Variants in PDIA6 observed in about 807,000 individuals in gnomAD.
The protein encoded by PDIA6 is protein disulfide-isomerase A6.
A neutral mutation model predicts 58.4 loss-of-function variants in PDIA6; 29 were observed. The observed-to-expected ratio is 0.50, with a 90% CI of 0.37 to 0.68. The LOEUF (loss-of-function observed/expected upper bound fraction) is 0.68, where lower values mean the gene tolerates loss of function less well. Ranked by LOEUF, PDIA6 falls within the 30% of genes least tolerant of loss-of-function variation. The pLI is 0.00. For synonymous variants in PDIA6, 192 were observed against 202.6 expected, an observed-to-expected ratio of 0.95 and a Z score of 0.44; for missense variants, 480 against 551.0, an observed-to-expected ratio of 0.87 and a Z score of 1.29.
upstream of PDIA6, among the ~76,000 whole-genome samples, chr2:10,836,067 A>G (rs1187086617): frequency 4.1e-5 from 6 of 146,562 alleles, no homozygotes; most frequent in Non-Finnish European, 9.1e-5. Context: ...AAAAAAAAAT[A>G]CTTTCAGACC....
At chr2:10,817,246 T>G (rs967475320), upstream of PDIA6, among the ~76,000 whole-genome samples, 1 of 152,228 alleles carries the variant, frequency 6.6e-6, no homozygotes, top group African/African-American at 2.4e-5. Context: ...ACATGAGTAC[T>G]TTATGTTATT....
intron 1 of PDIA6, among the ~76,000 whole-genome samples, chr2:10,826,390 G>T (rs111463837): frequency 6.6e-6 from 1 of 151,738 alleles, no homozygotes. Context: ...ATGGAGTCTC[G>T]CTCTTGTTGC....
At chr2:10,818,484 T>TTATATATATATA (rs1159545307) in intron 2 of PDIA6, among the ~76,000 whole-genome samples, 5 of 58,782 alleles carry the variant, frequency 8.5e-5, no homozygotes, top group African/African-American at 2.9e-4. Flanking sequence ...ACCATTTAAT[T>TTATATATATATA]TATTTATTTA....
chr2:10,784,829 G>A, intron 12 of PDIA6, 105 bp downstream of exon 12: 1 of 802,574 alleles, frequency 1.2e-6, no homozygotes, highest in East Asian at 2.7e-5. Flanking sequence ...GGTGCACCAG[G>A]GCTGAGGTCT....
At chr2:10,820,089 G>T (rs908195539) in intron 1 of PDIA6, among the ~76,000 whole-genome samples, 7 of 152,182 alleles carry the variant, frequency 4.6e-5, no homozygotes, top group African/African-American at 1.4e-4. Context: ...TCATTGTCTG[G>T]GGTAATACCT....
Position 10,790,791 on chromosome 2 carries a change from C to T in PDIA6, c.627G>A (p.Glu209=), listed in dbSNP as rs1666000275. 1.2e-6 allele frequency: 2 copies of T among 1,614,048 alleles called. No homozygotes were observed. The highest frequency in any genetic ancestry group is 3.3e-5 in the Admixed American group (2 of 60,002). The change falls in exon 7 of 13, where the codon GAG becomes GAA. Residue 209 remains glutamate, a synonymous_variant. Coordinates refer to ENST00000272227, the MANE Select transcript of PDIA6 (RefSeq NM_005742.4). The stretch of plus-strand genomic sequence containing the variant: ...CCAGTTTCACTTTTCCTTTCGTCTG[C>T]TCTTTTACTTCTGAAGCTGCGGCAG... ...EWAAAASEVK[E]QTKGKVKLAA... is the part of the protein sequence containing the mutation.
chr2:10,810,267 C>G, intron 1 of PDIA6: 1 of 1,529,058 alleles, frequency 6.5e-7, no homozygotes, highest in Non-Finnish European at 8.8e-7. Context: ...TTAGATAGAC[C>G]CAAATTTCTA....
upstream of PDIA6, among the ~76,000 whole-genome samples, chr2:10,834,399 C>T (rs1667777717): frequency 2.0e-5 from 3 of 152,312 alleles, no homozygotes; most frequent in Admixed American, 6.5e-5. Context: ...TCCCTCCCTC[C>T]CTGGGGCTGG....
At chr2:10,797,021 G>C (rs528838121) in intron 4 of PDIA6, 60 bp downstream of exon 4, 16 of 1,495,154 alleles carry the variant, frequency 1.1e-5, no homozygotes, top group Non-Finnish European at 1.5e-5. Flanking sequence ...TCTCAAGCTT[G>C]TTAAAGAACA....
At chr2:10,796,585 C>G (rs1666279990) in intron 4 of PDIA6, among the ~76,000 whole-genome samples, 1 of 151,926 alleles carries the variant, frequency 6.6e-6, no homozygotes, top group African/African-American at 2.4e-5. Flanking sequence ...TGAATTCTTT[C>G]TTTAGTTGCC....
At chr2:10,793,353 C>G (rs1666124721) in intron 4 of PDIA6, 151 bp from the exon 5 acceptor site, 2 of 596,838 alleles carry the variant, frequency 3.4e-6, no homozygotes, top group Non-Finnish European at 6.1e-6. Context: ...CACACTTTCT[C>G]CCCACAATGC....
chr2:10,818,850 A>G (rs55863332), intron 2 of PDIA6, among the ~76,000 whole-genome samples: 19,519 of 151,972 alleles, frequency 0.13, 1,503 homozygotes, highest in Non-Finnish European at 0.18. Context: ...GTACAGTTCC[A>G]TGGCATTAAA....
chr2:10,831,013 C>G (rs1457562079), intron 1 of PDIA6, among the ~76,000 whole-genome samples: 2 of 152,238 alleles, frequency 1.3e-5, no homozygotes, highest in Non-Finnish European at 2.9e-5. Flanking sequence ...TGTCCCTGAG[C>G]CACAGGGGCT....
intron 2 of PDIA6, among the ~76,000 whole-genome samples, chr2:10,800,540 G>A (rs188450576): frequency 6.9e-4 from 103 of 148,878 alleles, no homozygotes; most frequent in African/African-American, 1.9e-3. Context: ...TTTTTTTTGC[G>A]ATTCTATAAG....
At chr2:10,788,590 C>A in intron 10 of PDIA6, 107 bp downstream of exon 10, 4 of 769,712 alleles carry the variant, frequency 5.2e-6, no homozygotes, top group South Asian at 3.1e-5. Flanking sequence ...AAACATATAG[C>A]AGAGCAAACA....
At chr2:10,820,744 G>T (rs1667359386) in intron 1 of PDIA6, 7 of 702,998 alleles carry the variant, frequency 1.0e-5, no homozygotes, top group Non-Finnish European at 1.6e-5. Context: ...GTGGCCCGAA[G>T]CCAGGGAGCT....
Position 10,797,083 on chromosome 2 carries a change from T to C in PDIA6, c.344A>G (p.Gln115Arg), listed in dbSNP as rs1458491235. 2 of 1,613,462 alleles carry C rather than the reference T, an allele frequency of 1.2e-6. No individual in the cohort carries two copies. Among genetic ancestry groups the C allele is most frequent in the Non-Finnish European group, 1.7e-6 (2 of 1,179,532 alleles). Reference protein sequence around the residue: ...GSNKNRPEDYQGGRTGEAIVD... With the variant: ...GSNKNRPEDYRGGRTGEAIVD... ...AAGTAGCTAGGAAAAGTCCTTACCT[T>C]GGTAATCTTCTGGTCTGTTTTTGTT... Residue 115 changes from glutamine to arginine, a missense_variant and splice_region_variant, in exon 4 of 13, where the codon CAA (glutamine) becomes CGA (arginine). Gln to Arg is a conservative substitution (Grantham distance 43). Transcript: ENST00000272227.
At chr2:10,826,709 C>T (rs1277134463) in intron 1 of PDIA6, among the ~76,000 whole-genome samples, 7 of 152,126 alleles carry the variant, frequency 4.6e-5, no homozygotes, top group Non-Finnish European at 7.4e-5. Flanking sequence ...GATTATATCT[C>T]AATAAAACTG....
exon 1 of PDIA6, chr2:10,832,456 G>C: frequency 1.0e-6 from 1 of 985,380 alleles, no homozygotes; most frequent in Non-Finnish European, 1.2e-6. Context: ...GAGGCCAGGA[G>C]ACCTAACCTT....
Sources: allele counts gnomAD v4.1 joint callset (sites outside exome capture counted in the v4.1 genomes callset), GRCh38; gene constraint gnomAD v4.1.1; transcripts MANE v1.5; gene names NCBI Gene and HGNC (gene_info 2026-07-23, HGNC 2026-07-21).